WDFY4: variants seen among roughly 807,000 people sequenced by gnomAD.
WDFY4 encodes WD repeat- and FYVE domain-containing protein 4.
A neutral mutation model predicts 351.9 loss-of-function variants in WDFY4; 169 were observed. The ratio of observed to expected loss-of-function variants is 0.48; its 90% CI spans 0.42 to 0.55. WDFY4 has a LOEUF of 0.55. Among genes scored for constraint, WDFY4 ranks in the 20% least tolerant of loss-of-function variants. WDFY4 has a pLI of 0.00. For synonymous variants in WDFY4, 1,622 were observed against 1,574.6 expected, an observed-to-expected ratio of 1.03 and a Z score of -0.71; for missense variants, 3,803 against 3,935.6, an observed-to-expected ratio of 0.97 and a Z score of 0.90.
intron 1 of WDFY4, among the ~76,000 whole-genome samples, chr10:48,692,704 C>T (rs915233757): frequency 1.2e-4 from 18 of 152,188 alleles, no homozygotes; most frequent in East Asian, 1.9e-4. Context: ...CAGGCCAACC[C>T]TTGTGTGGCC....
intron 57 of WDFY4, among the ~76,000 whole-genome samples, chr10:48,974,516 A>AAAAAAAAAAAAAAAAAAAAAAAAAAAAAC (rs1554824248): frequency 6.1e-5 from 1 of 16,332 alleles, no homozygotes; most frequent in Non-Finnish European, 4.2e-4. Flanking sequence ...AAAAAAAAAA[A>AAAAAAAAAAAAAAAAAAAAAAAAAAAAAC]AAAAAAAAAA....
intron 43 of WDFY4, among the ~76,000 whole-genome samples, chr10:48,888,720 G>A (rs1202266215): frequency 6.6e-6 from 1 of 152,130 alleles, no homozygotes; most frequent in African/African-American, 2.4e-5. Flanking sequence ...GCCCTTAACT[G>A]GATGTCCCCG....
chr10:48,779,232 G>C (rs1400390667), intron 18 of WDFY4, among the ~76,000 whole-genome samples: 1 of 152,246 alleles, frequency 6.6e-6, no homozygotes, highest in Non-Finnish European at 1.5e-5. Flanking sequence ...AGCAGCTACA[G>C]ACATATAGGC....
intron 47 of WDFY4, among the ~76,000 whole-genome samples, chr10:48,925,206 A>C (rs1839468498): frequency 6.6e-6 from 1 of 152,212 alleles, no homozygotes; most frequent in African/African-American, 2.4e-5. Flanking sequence ...GTAACAGGCC[A>C]GCTCACCTAA....
intron 43 of WDFY4, among the ~76,000 whole-genome samples, chr10:48,885,732 C>A (rs4838656): frequency 0.59 from 88,594 of 150,974 alleles, 26,167 homozygotes; most frequent in East Asian, 0.75. Flanking sequence ...CTCTCTCTCT[C>A]TCTATATATA....
intron 3 of WDFY4, among the ~76,000 whole-genome samples, chr10:48,720,476 T>C (rs778967742): frequency 1.3e-5 from 2 of 149,020 alleles, no homozygotes. Flanking sequence ...CACACAGAGA[T>C]ACAGAGACAC....
Position 48,970,148 on chromosome 10 carries a change from G to A in WDFY4, c.8787G>A (p.Glu2929=), listed in dbSNP as rs752669920. The change falls in exon 57 of 62, where the codon GAG becomes GAA. Residue 2929 remains glutamate, a synonymous_variant. Transcript: ENST00000325239. The stretch of plus-strand genomic sequence containing the variant: ...TCCTACAGGTCCTGATGACATTCGA[G>A]AACCTGGCTGCCTGGGGCCGCTGTC... The part of the protein sequence containing the change: ...YGSDKVLMTF[E]NLAAWGRCLC... 1.9e-6 allele frequency: 3 copies of A among 1,551,508 alleles called. No homozygotes were observed. In the South Asian group the frequency reaches 3.6e-5, roughly 18 times the overall value.
chr10:48,905,879 G>A (rs1369066993), intron 47 of WDFY4, among the ~76,000 whole-genome samples: 2 of 152,230 alleles, frequency 1.3e-5, no homozygotes, highest in African/African-American at 4.8e-5. Flanking sequence ...GTTTGGGCAT[G>A]TTAACAGAAG....
intron 15 of WDFY4, 89 bp from the exon 16 acceptor site, chr10:48,776,661 G>T (rs1763242913): frequency 1.6e-6 from 2 of 1,268,222 alleles, no homozygotes; most frequent in South Asian, 1.6e-5. Context: ...CTCTTTCTGG[G>T]CTGCGGCAGA....
At chr10:48,952,202 AG>A (rs112269572) in intron 51 of WDFY4, among the ~76,000 whole-genome samples, 6,111 of 152,268 alleles carry the variant, frequency 0.04, 395 homozygotes, top group African/African-American at 0.14. Flanking sequence ...GCTCACACCC[AG>A]GTGGACCATG....
chr10:48,898,711 C>G (rs1003846942), intron 45 of WDFY4, among the ~76,000 whole-genome samples: 2 of 152,174 alleles, frequency 1.3e-5, no homozygotes, highest in African/African-American at 4.8e-5. Context: ...CTCTTCCTCC[C>G]TCTGCTGCTT....
At chr10:48,912,321 G>T (rs935480726) in intron 47 of WDFY4, among the ~76,000 whole-genome samples, 1 of 152,206 alleles carries the variant, frequency 6.6e-6, no homozygotes, top group Non-Finnish European at 1.5e-5. Flanking sequence ...TGTTTTAGAG[G>T]CACAGAACAC....
At chr10:48,966,846 T>C in intron 55 of WDFY4, 173 bp downstream of exon 55, 1 of 901,372 alleles carries the variant, frequency 1.1e-6, no homozygotes, top group East Asian at 2.8e-5. Flanking sequence ...CTCTGGGAAG[T>C]GTCTAGGAGC....
chr10:48,805,373 T>A lies in WDFY4; in HGVS notation c.4598T>A (p.Ile1533Asn). The stretch of plus-strand genomic sequence containing the variant: ...TCCAAGATCTCCACCATCATTGGCA[T>A]CCTGGCCTGTCAGCTGAGGGGCCAC... ...IPSKISTIIG[I>N]LACQLRGHFS... Residue 1533 changes from isoleucine to asparagine, a missense_variant, in exon 26 of 62, where the codon ATC becomes AAC. Coordinates refer to ENST00000325239, the MANE Select transcript of WDFY4 (RefSeq NM_001394531.1). 6.5e-7 allele frequency: 1 copy of A among 1,549,646 alleles called. No individual in the cohort carries two copies. Among genetic ancestry groups the A allele is most frequent in the Non-Finnish European group, 8.7e-7 (1 of 1,147,018 alleles).
chr10:48,904,880 G>A (rs959538298), intron 47 of WDFY4, among the ~76,000 whole-genome samples: 8 of 152,184 alleles, frequency 5.3e-5, no homozygotes, highest in Non-Finnish European at 1.0e-4. Flanking sequence ...GGTTCCCTGA[G>A]AAAATCAAGG....
rs78286357 is a variant in WDFY4, at chr10:48,705,748, C to T, written c.-17-3968C>T. ...GAGTCAAGTGTTTCACTTCAGCAAA[C>T]GTGGCTTCTGCACTTCAGAGGAGAG... On this transcript the variant is annotated intron_variant, in intron 1 of 61. Transcript: ENST00000325239. Among the ~76,000 whole-genome samples the T allele has an allele frequency of 3.5e-3, 539 of 152,314 alleles. 4 individuals carry two copies. The highest frequency in any genetic ancestry group is 0.012 in the African/African-American group (513 of 41,568).
chr10:48,909,249 T>C (rs879122402), intron 47 of WDFY4, among the ~76,000 whole-genome samples: 1 of 152,256 alleles, frequency 6.6e-6, no homozygotes, highest in Non-Finnish European at 1.5e-5. Flanking sequence ...ATTATCAAAA[T>C]GTTAGAATAC....
intron 20 of WDFY4, 82 bp from the exon 21 acceptor site, chr10:48,788,448 G>A: frequency 6.9e-7 from 1 of 1,453,662 alleles, no homozygotes; most frequent in East Asian, 2.5e-5. Context: ...TTTGCTGTGT[G>A]ACAGAGATAT....
chr10:48,909,469 T>C (rs1300139262), intron 47 of WDFY4: 1 of 151,132 alleles, frequency 6.6e-6, no homozygotes, highest in East Asian at 1.9e-4. Flanking sequence ...AAAGGAATAC[T>C]TAAGGCTAGG....
Sources: gnomAD v4.1 joint callset for allele counts (sites outside exome capture counted in the v4.1 genomes callset) on GRCh38, gnomAD v4.1.1 for gene constraint, MANE v1.5 for transcripts, NCBI Gene and HGNC (gene_info 2026-07-23, HGNC 2026-07-21) for gene names.